Variants in KLHL22 observed in about 807,000 individuals in gnomAD.
KLHL22 encodes the protein kelch like family member 22.
A neutral mutation model predicts 60.7 loss-of-function variants in KLHL22; 18 were observed. That is an observed-to-expected ratio of 0.30 (90% CI 0.20 to 0.44). The LOEUF is 0.44. KLHL22 is among the 20% of genes least tolerant of loss of function. The probability of loss-of-function intolerance (pLI) is 1.00; values close to 1 mark genes in which losing one functional copy is unlikely to be tolerated. For missense variants in KLHL22, 596 were observed against 852.3 expected (o/e 0.70, Z 3.74); for synonymous variants, 355 against 354.5 (o/e 1.00, Z -0.01).
intron 1 of KLHL22, chr22:20,493,066 G>A (rs78920417): frequency 4.9e-5 from 22 of 447,610 alleles, no homozygotes; most frequent in Admixed American, 3.9e-4. Flanking sequence ...CATGACCACC[G>A]CAGAGTCAAG....
At chr22:20,446,966 A>G (rs2052874836) in intron 5 of KLHL22, among the ~76,000 whole-genome samples, 1 of 152,198 alleles carries the variant, frequency 6.6e-6, no homozygotes, top group Non-Finnish European at 1.5e-5. Context: ...GGGGAACTCC[A>G]AGAAAATAAA....
At chr22:20,479,763 CT>C (rs1480530155) in intron 2 of KLHL22, among the ~76,000 whole-genome samples, 2 of 152,248 alleles carry the variant, frequency 1.3e-5, no homozygotes, top group Non-Finnish European at 2.9e-5. Flanking sequence ...AACTATAACC[CT>C]TGTGCACTGT....
rs530297677 is a variant in KLHL22 at position 20,451,750 on chromosome 22, A to T, written c.1306-5074T>A. 6 of 1,575,284 alleles carry T rather than the reference A, an allele frequency of 3.8e-6. No homozygotes were observed. In the African/African-American group the frequency reaches 8.1e-5, roughly 21 times the overall value. On this transcript the variant is annotated intron_variant, in intron 5 of 6. Coordinates refer to ENST00000328879, the MANE Select transcript of KLHL22 (RefSeq NM_032775.4). ...CATTGAATGTTACAACCCTATCATC[A>T]ACAGCTGGGAAGTCGTGACATCCAT... is the stretch of plus-strand genomic sequence containing the variant.
intron 5 of KLHL22, chr22:20,450,940 G>A: frequency 6.2e-7 from 1 of 1,611,470 alleles, no homozygotes; most frequent in Admixed American, 1.7e-5. Context: ...CAGGACAAGG[G>A]CTCGCCTAGG....
intron 5 of KLHL22, among the ~76,000 whole-genome samples, chr22:20,448,426 G>C (rs1302447128): frequency 6.6e-6 from 1 of 152,106 alleles, no homozygotes; most frequent in Non-Finnish European, 1.5e-5. Context: ...CCAATAGTTG[G>C]TTCCTTTTCT....
At position 20,488,514 on chromosome 22, in the gene KLHL22, C is replaced by T. The variant is rs137975872; in HGVS notation, c.227+471G>A. The T allele has an allele frequency of 3.9e-3, 673 of 172,548 alleles. 8 individuals carry two copies. Among genetic ancestry groups the T allele is most frequent in the African/African-American group, 0.015 (631 of 41,886 alleles). 10.7% of individuals were successfully genotyped at this position (172,548 alleles called of 1,614,324 possible). A position where few individuals can be genotyped will look rare whatever the true frequency, so the allele number is the denominator to read the frequency against. ...AGACAGATAAGCCAGTGGTTCCTCACACTGTGCCAAGTGCTGGGATGGGGT... is the reference window on the plus strand; with the variant it reads ...AGACAGATAAGCCAGTGGTTCCTCATACTGTGCCAAGTGCTGGGATGGGGT... On this transcript the variant is annotated intron_variant, in intron 2 of 6. Coordinates refer to ENST00000328879, the MANE Select transcript of KLHL22 (RefSeq NM_032775.4).
At chr22:20,445,501 C>T (rs538675476) in intron 6 of KLHL22, among the ~76,000 whole-genome samples, 84 of 152,282 alleles carry the variant, frequency 5.5e-4, no homozygotes, top group Non-Finnish European at 1.0e-3. Flanking sequence ...CCACCGCGCC[C>T]GGCCACCCAT....
intron 1 of KLHL22, among the ~76,000 whole-genome samples, chr22:20,494,850 G>A (rs748765533): frequency 6.6e-6 from 1 of 152,190 alleles, no homozygotes; most frequent in Non-Finnish European, 1.5e-5. Flanking sequence ...CATTTCAGAG[G>A]AACTTTCAGT....
At chr22:20,488,695 A>AGGAGGGGAGGGGAGGAGT in intron 2 of KLHL22, 2 of 471,472 alleles carry the variant, frequency 4.2e-6, no homozygotes, top group Non-Finnish European at 7.7e-6. Context: ...AGGGGAGGAG[A>AGGAGGGGAGGGGAGGAGT]GAAAGGAGGA....
chr22:20,442,578 A>G, intron 6 of KLHL22, 140 bp from the exon 7 acceptor site: 2 of 1,078,454 alleles, frequency 1.9e-6, no homozygotes, highest in South Asian at 3.5e-5. Context: ...GCACAGGGCC[A>G]GTGTTGAAAC....
chr22:20,483,429 G>A, intron 2 of KLHL22: 1 of 828,010 alleles, frequency 1.2e-6, no homozygotes, highest in Admixed American at 1.7e-5. Flanking sequence ...TGGCAATCTG[G>A]TCTTGTAGGC....
At chr22:20,451,710 G>T in intron 5 of KLHL22, 3 of 1,580,316 alleles carry the variant, frequency 1.9e-6, no homozygotes, top group Non-Finnish European at 2.6e-6. Flanking sequence ...ATGAAGGTAA[G>T]TCCCTGCTAA....
chr22:20,461,212 C>T lies in KLHL22; in HGVS notation c.1113-3212G>A, dbSNP rs189054484. 3.3e-5 allele frequency among the ~76,000 whole-genome samples: 5 copies of T among 152,316 alleles called. No homozygotes were observed. In the East Asian group the frequency reaches 9.6e-4, roughly 29 times the overall value. On this transcript the variant is annotated intron_variant, in intron 4 of 6. Transcript: ENST00000328879. The stretch of plus-strand genomic sequence containing the variant: ...TGTATCATCCTATTGTAAACTCAGA[C>T]ATGAACCCTAGAGTTGGTACAAAAA...
chr22:20,471,307 C>G lies in KLHL22; in HGVS notation c.393+43G>C, dbSNP rs367834145. The G allele has an allele frequency of 1.9e-4, 304 of 1,593,028 alleles. No individual in the cohort carries two copies. In the African/African-American group the frequency reaches 3.6e-3, roughly 19 times the overall value. ...GCATCATGGGCATCTCAGGGAACCC[C>G]ACCTGGGTGTGGGTCTGCCTTGCTA... On this transcript the variant is annotated intron_variant, in intron 3 of 6. Coordinates refer to ENST00000328879, the MANE Select transcript of KLHL22 (RefSeq NM_032775.4).
In KLHL22 at chr22:20,480,871, G is replaced by A. The variant is rs540383728; in HGVS notation, c.227+8114C>T. ...TTTTGAGACGGAGTCTTGCTCTGTC[G>A]CCCAGGCTGGAATGCAGTGGCGCGA... On this transcript the variant is annotated intron_variant, in intron 2 of 6. Transcript: ENST00000328879. Among the ~76,000 whole-genome samples, 419 of 130,120 alleles carry A rather than the reference G, an allele frequency of 3.2e-3. 1 individual carries two copies. Among genetic ancestry groups the A allele is most frequent in the Admixed American group, 7.7e-3 (82 of 10,690 alleles). The allele number at this position is 130,120 out of a possible 152,430, so 85.4% of individuals were successfully genotyped here.
intron 1 of KLHL22, among the ~76,000 whole-genome samples, chr22:20,494,193 C>T (rs569427425): frequency 2.0e-5 from 3 of 151,766 alleles, no homozygotes; most frequent in East Asian, 1.9e-4. Context: ...CAATATAGCG[C>T]GACCCTTTCT....
intron 4 of KLHL22, among the ~76,000 whole-genome samples, chr22:20,459,254 G>C (rs1011252779): frequency 6.6e-6 from 1 of 152,176 alleles, no homozygotes; most frequent in Admixed American, 6.5e-5. Flanking sequence ...GTTTTCTTTG[G>C]CCTGTGCCCT....
chr22:20,456,239 C>T (rs976648009), intron 5 of KLHL22: 3 of 152,228 alleles, frequency 2.0e-5, no homozygotes, highest in African/African-American at 7.2e-5. Context: ...AACCACTTTA[C>T]TGATCTGTTT....
chr22:20,464,838 C>G lies in KLHL22; in HGVS notation c.1112+20G>C, dbSNP rs754856202. The G allele has an allele frequency of 4.2e-6, 6 of 1,424,406 alleles. No individual in the cohort carries two copies. The highest frequency in any genetic ancestry group is 1.8e-4 in the Middle Eastern group (1 of 5,452). The allele number at this position is 1,424,406 out of a possible 1,614,324, so 88.2% of individuals were successfully genotyped here. ...TCTCATCACCTGAAGACAAAGGGAC[C>G]AGCTAGCACCCTGTCCTACCTCCAG... On this transcript the variant is annotated intron_variant, in intron 4 of 6. Transcript: ENST00000328879.
Sources: gnomAD v4.1 joint callset for allele counts (sites outside exome capture counted in the v4.1 genomes callset) on GRCh38, gnomAD v4.1.1 for gene constraint, MANE v1.5 for transcripts, NCBI Gene and HGNC (gene_info 2026-07-23, HGNC 2026-07-21) for gene names.